KCTD3: variants seen among roughly 807,000 people sequenced by gnomAD.
The protein encoded by KCTD3 is potassium channel tetramerization domain containing 3.
A neutral mutation model predicts 85.8 loss-of-function variants in KCTD3; 41 were observed. That is an observed-to-expected ratio of 0.48 (90% confidence interval 0.37 to 0.62). KCTD3 has a LOEUF of 0.62. KCTD3 is among the 20% of genes least tolerant of loss of function. The probability of loss-of-function intolerance (pLI) is 0.00; values close to 1 mark genes in which losing one functional copy is unlikely to be tolerated. For synonymous variants in KCTD3, 338 were observed against 345.4 expected (o/e 0.98, Z 0.24); for missense variants, 724 against 989.9 (o/e 0.73, Z 3.60).
chr1:215,599,669 A>G (rs1028064449), intron 10 of KCTD3, among the ~76,000 whole-genome samples: 5 of 152,152 alleles, frequency 3.3e-5, no homozygotes, highest in African/African-American at 1.2e-4. Flanking sequence ...CTGGGAGAGA[A>G]GAACTCAGCA....
chr1:215,577,572 G>A (rs1387651250), intron 4 of KCTD3, 98 bp from the exon 5 acceptor site: 6 of 751,130 alleles, frequency 8.0e-6, no homozygotes, highest in African/African-American at 7.0e-5. Context: ...AAAGCCTTAT[G>A]ACTATATACA....
At chr1:215,601,014 C>T (rs543307152) in intron 10 of KCTD3, among the ~76,000 whole-genome samples, 8 of 152,114 alleles carry the variant, frequency 5.3e-5, no homozygotes, top group African/African-American at 1.7e-4. Context: ...CCCCGCTCAC[C>T]GCAACCTCTG....
At chr1:215,583,143 G>A (rs1463648360) in intron 8 of KCTD3, among the ~76,000 whole-genome samples, 1 of 151,684 alleles carries the variant, frequency 6.6e-6, no homozygotes, top group East Asian at 1.9e-4. Flanking sequence ...GTGAATCCAA[G>A]TTTATTAAGA....
chr1:215,581,923 A>C (rs1193124120), intron 8 of KCTD3, among the ~76,000 whole-genome samples: 1 of 152,218 alleles, frequency 6.6e-6, no homozygotes, highest in East Asian at 1.9e-4. Flanking sequence ...AAAACCTTTA[A>C]AAAAAGAGTA....
At chr1:215,575,775 T>G (rs1485196965) in intron 3 of KCTD3, 126 bp from the exon 4 acceptor site, 1 of 575,458 alleles carries the variant, frequency 1.7e-6, no homozygotes, top group Admixed American at 3.8e-5. Flanking sequence ...ACATTAAAGT[T>G]TAAGAGTGGA....
intron 12 of KCTD3, 88 bp downstream of exon 12, chr1:215,602,289 T>G (rs777899618): frequency 3.0e-6 from 2 of 667,802 alleles, no homozygotes; most frequent in Non-Finnish European, 5.2e-6. Context: ...TTAAACTGGT[T>G]TATTTCTTTT....
At chr1:215,593,641 A>G (rs1036926425) in intron 9 of KCTD3, among the ~76,000 whole-genome samples, 1 of 151,892 alleles carries the variant, frequency 6.6e-6, no homozygotes, top group African/African-American at 2.4e-5. Context: ...GGTTTCATGC[A>G]TTTTTTTTCT....
intron 14 of KCTD3, among the ~76,000 whole-genome samples, chr1:215,608,587 C>T (rs922531659): frequency 6.6e-6 from 1 of 151,890 alleles, no homozygotes; most frequent in Non-Finnish European, 1.5e-5. Context: ...TCGTAATATT[C>T]ATTAGGAAAC....
At chr1:215,594,780 T>C (rs546901567) in intron 9 of KCTD3, among the ~76,000 whole-genome samples, 2 of 152,292 alleles carry the variant, frequency 1.3e-5, no homozygotes, top group Admixed American at 1.3e-4. Flanking sequence ...ACACATGGGG[T>C]TTAAAAATAA....
intron 15 of KCTD3, among the ~76,000 whole-genome samples, chr1:215,616,452 A>G (rs1177734080): frequency 1.3e-5 from 2 of 151,910 alleles, no homozygotes; most frequent in African/African-American, 2.4e-5. Context: ...TTCAAACTTT[A>G]TATTGGCGAA....
chr1:215,607,546 C>G (rs1558242686), intron 13 of KCTD3, among the ~76,000 whole-genome samples: 1 of 151,914 alleles, frequency 6.6e-6, no homozygotes, highest in Non-Finnish European at 1.5e-5. Flanking sequence ...TATGAGTTGG[C>G]AATAAATAGC....
In KCTD3 at chr1:215,579,256, T is replaced by C. The variant is rs181444192; in HGVS notation, c.535+119T>C. ...TCTCCTTTTTTATCCAGATTTATCA[T>C]TTATATCTTGGAAAGGTCTCATTTA... On this transcript the variant is annotated intron_variant, in intron 7 of 17. Transcript: ENST00000259154. 2.0e-4 allele frequency: 143 copies of C among 718,438 alleles called. No homozygotes were observed. The African/African-American group carries it at 2.5e-3, about 13-fold the overall frequency. The allele number at this position is 718,438 out of a possible 1,614,324, so 44.5% of individuals were successfully genotyped here. A position where few individuals can be genotyped will look rare whatever the true frequency, so the allele number is the denominator to read the frequency against.
intron 8 of KCTD3, among the ~76,000 whole-genome samples, chr1:215,582,380 CTACTG>C (rs1209595023): frequency 6.6e-6 from 1 of 152,166 alleles, no homozygotes; most frequent in African/African-American, 2.4e-5. Flanking sequence ...CATGTCCTCT[CTACTG>C]TATTTTATTG....
chr1:215,619,400 A>G (rs1053862510), intron 17 of KCTD3, 109 bp downstream of exon 17: 2 of 929,224 alleles, frequency 2.2e-6, no homozygotes, highest in South Asian at 1.9e-5. Flanking sequence ...CTCAAGGTAC[A>G]TTTTAAATTC....
In KCTD3 at chr1:215,575,947, T is replaced by C; in HGVS notation, c.230T>C (p.Phe77Ser). ...DPAAFAPILN[F>S]LRTKELDLRG... is the part of the protein sequence containing the mutation. ...GCAGCATTTGCACCCATTTTAAATT[T>C]TCTTCGGACAAAAGAACTAGACTTA... The change falls in exon 4 of 18, where the codon TTT becomes TCT. Residue 77 changes from phenylalanine to serine, a missense_variant. Phe to Ser is a radical substitution (Grantham distance 155, BLOSUM62 -2). This residue lies in a region of KCTD3 where 97 missense variants were observed against 115.7 expected (regional missense o/e 0.84). Coordinates refer to ENST00000259154, the MANE Select transcript of KCTD3 (RefSeq NM_016121.5). The C allele has an allele frequency of 6.4e-7, 1 of 1,564,332 alleles. No individual in the cohort carries two copies. The highest frequency in any genetic ancestry group is 8.7e-7 in the Non-Finnish European group (1 of 1,149,298).
chr1:215,570,591 G>A (rs1659321739), intron 1 of KCTD3, among the ~76,000 whole-genome samples: 1 of 152,088 alleles, frequency 6.6e-6, no homozygotes, highest in Non-Finnish European at 1.5e-5. Context: ...TTGATACTTA[G>A]TCTATTAAAA....
At chr1:215,602,532 TTAAAAA>T (rs1192030710) in intron 12 of KCTD3, among the ~76,000 whole-genome samples, 4 of 152,080 alleles carry the variant, frequency 2.6e-5, no homozygotes, top group African/African-American at 9.7e-5. Context: ...AATTTTTCAC[TTAAAAA>T]TTAGGAGCTT....
intron 1 of KCTD3, among the ~76,000 whole-genome samples, chr1:215,570,230 CT>C (rs528176748): frequency 0.016 from 2,180 of 138,798 alleles, 33 homozygotes; most frequent in South Asian, 0.073. Flanking sequence ...TCGGTAAGGT[CT>C]TTTTTTTTTT....
intron 10 of KCTD3, among the ~76,000 whole-genome samples, chr1:215,597,788 T>A (rs1654657291): frequency 6.6e-6 from 1 of 152,048 alleles, no homozygotes; most frequent in Non-Finnish European, 1.5e-5. Flanking sequence ...AGAAGCACAC[T>A]TTTTCTGTGT....
Sources: gnomAD v4.1 joint callset for allele counts (sites outside exome capture counted in the v4.1 genomes callset) on GRCh38, gnomAD v4.1.1 for gene constraint, gnomAD v4.1.1 regional missense constraint, MANE v1.5 for transcripts, NCBI Gene and HGNC (gene_info 2026-07-23, HGNC 2026-07-21) for gene names.